Variants in WNK2 observed in about 807,000 individuals in gnomAD.
WNK2 encodes serine/threonine-protein kinase WNK2.
In WNK2, 67 loss-of-function variants were observed where a neutral mutation model predicts 192.1. That is an observed-to-expected ratio of 0.35 (90% CI 0.29 to 0.43). The LOEUF is 0.43. Among genes scored for constraint, WNK2 ranks in the 20% least tolerant of loss-of-function variants. The probability of loss-of-function intolerance (pLI) is 1.00; values close to 1 mark genes in which losing one functional copy is unlikely to be tolerated. For missense variants in WNK2, 2,698 were observed against 3,089.7 expected (o/e 0.87, Z 3.01); for synonymous variants, 1,439 against 1,393.9 (o/e 1.03, Z -0.72).
intron 27 of WNK2, 136 bp downstream of exon 27, chr9:93,306,957 C>CT (rs1852684881): frequency 9.5e-7 from 1 of 1,055,118 alleles, no homozygotes; most frequent in African/African-American, 1.6e-5. Context: ...CCATGCCTCT[C>CT]GGCCGGGCAC....
chr9:93,200,540 T>G (rs567854286), intron 2 of WNK2, among the ~76,000 whole-genome samples: 3 of 152,240 alleles, frequency 2.0e-5, no homozygotes, highest in Non-Finnish European at 4.4e-5. Flanking sequence ...ATTGCCCAGT[T>G]CCTCAGCCTG....
rs376945747 is a variant in WNK2 at position 93,203,567 on chromosome 9, C to G, written c.681+17957C>G. Among the ~76,000 whole-genome samples the G allele has an allele frequency of 1.4e-4, 22 of 152,276 alleles. No individual in the cohort carries two copies. In the East Asian group the frequency reaches 3.9e-3, roughly 27 times the overall value. ...CGTTGAAGGCCTAGTCCCCTGCAGT[C>G]TGTGGACGTGCCACTGCACTCGGCA... On this transcript the variant is annotated intron_variant, in intron 2 of 29. Transcript: ENST00000427277.
At chr9:93,269,091 C>T in intron 19 of WNK2, 1 of 763,302 alleles carries the variant, frequency 1.3e-6, no homozygotes, top group Non-Finnish European at 2.2e-6. Flanking sequence ...TGCCGCACAC[C>T]TGCAGCAGAC....
At chr9:93,208,529 C>CTG (rs576189045) in intron 2 of WNK2, among the ~76,000 whole-genome samples, 4 of 151,116 alleles carry the variant, frequency 2.6e-5, no homozygotes, top group Non-Finnish European at 5.9e-5. Flanking sequence ...TATGTGTATT[C>CTG]TGTGTGTGTG....
chr9:93,184,934 A>T lies in WNK2; in HGVS notation c.5A>T (p.Asp2Val). M[D>V]GDGGRRDVPG... ...GTGTGTCCTTGGCCCACAGAGATGG[A>T]CGGCGATGGCGGCCGCCGAGACGTC... Residue 2 changes from aspartate (D) to valine (V), a missense_variant, in exon 2 of 30, where the codon GAC becomes GTC. Physicochemically the swap from Asp to Val is radical, Grantham distance 152. Coordinates refer to ENST00000427277, the MANE Select transcript of WNK2 (RefSeq NM_006648.4). 8.6e-7 allele frequency: 1 copy of T among 1,163,112 alleles called. No individual in the cohort carries two copies. The highest frequency in any genetic ancestry group is 1.1e-6 in the Non-Finnish European group (1 of 946,528). 72.0% of individuals were successfully genotyped at this position (1,163,112 alleles called of 1,614,324 possible). A position where few individuals can be genotyped will look rare whatever the true frequency, so the allele number is the denominator to read the frequency against.
Position 93,247,695 on chromosome 9 carries a change from G to A in WNK2, c.1695G>A (p.Arg565=), listed in dbSNP as rs1198863893. 3.8e-6 allele frequency: 6 copies of A among 1,567,000 alleles called. No individual in the cohort carries two copies. Among genetic ancestry groups the A allele is most frequent in the South Asian group, 1.2e-5 (1 of 85,262 alleles). ...QQDVGSPDKA[R]GPPVPLQVQV... is the part of the protein sequence containing the mutation. The stretch of plus-strand genomic sequence containing the variant: ...ATGTGGGCAGCCCGGACAAGGCCAG[G>A]GGTCCGCCGGTGCCCCTGCAGGTCC... The change falls in exon 8 of 30, where the codon AGG becomes AGA. Residue 565 remains arginine (R), a synonymous_variant. Transcript: ENST00000427277. This position sits in a 1 kb window ranked among gnomAD's most constrained non-coding sequence, Gnocchi z 5.2.
Position 93,262,684 on chromosome 9 carries a change from G to A in WNK2, c.3375G>A (p.Gln1125=), listed in dbSNP as rs1564119004. 1.9e-6 allele frequency: 3 copies of A among 1,612,528 alleles called. No homozygotes were observed. Among genetic ancestry groups the A allele is most frequent in the Non-Finnish European group, 2.5e-6 (3 of 1,179,904 alleles). ...GTTTATTTCAGGAGCAGGCCTCACA[G>A]GACAAGCCGCCCGGCCTCCCGCAGA... ...VEPVQEEQAS[Q]DKPPGLPQSC... is the part of the protein sequence containing the mutation. Residue 1125 remains glutamine, a synonymous_variant, in exon 14 of 30, where the codon CAG becomes CAA. Transcript: ENST00000427277.
chr9:93,317,731 G>T, intron 29 of WNK2, 100 bp downstream of exon 29: 1 of 1,489,578 alleles, frequency 6.7e-7, no homozygotes. Flanking sequence ...CCCTGGGCAG[G>T]CCAGGTGGGC....
At position 93,288,408 on chromosome 9, in the gene WNK2, G is replaced by T. The variant is rs539604897; in HGVS notation, c.4034-380G>T. ...GTCCAGTGCAAGATAGACAAGAGCCGTATCTTTCTGGAGCTGTCTGTGCGG... is the reference window on the plus strand; with the variant it reads ...GTCCAGTGCAAGATAGACAAGAGCCTTATCTTTCTGGAGCTGTCTGTGCGG... On this transcript the variant is annotated intron_variant, in intron 19 of 29. Transcript: ENST00000427277. Among the ~76,000 whole-genome samples the T allele has an allele frequency of 1.9e-4, 29 of 152,330 alleles. No homozygotes were observed. In the South Asian group the frequency reaches 5.8e-3, roughly 30 times the overall value.
intron 2 of WNK2, among the ~76,000 whole-genome samples, chr9:93,204,763 A>G (rs527459913): frequency 6.6e-6 from 1 of 152,140 alleles, no homozygotes; most frequent in Non-Finnish European, 1.5e-5. Flanking sequence ...GGGCTCAGGG[A>G]GGCTCAGAAA....
chr9:93,289,661 G>C, intron 20 of WNK2, 41 bp downstream of exon 20: 1 of 1,427,136 alleles, frequency 7.0e-7, no homozygotes, highest in Non-Finnish European at 9.1e-7. Flanking sequence ...CCCTGGGTCA[G>C]GGGCCGGAGC....
chr9:93,290,087 G>T (rs768881206), intron 21 of WNK2, 40 bp downstream of exon 21: 1 of 1,539,858 alleles, frequency 6.5e-7, no homozygotes, highest in Non-Finnish European at 8.8e-7. Flanking sequence ...ACAAGGTGCT[G>T]CCTGGCTTCC....
At chr9:93,295,214 C>T (rs1334933568) in intron 23 of WNK2, among the ~76,000 whole-genome samples, 1 of 152,136 alleles carries the variant, frequency 6.6e-6, no homozygotes, top group African/African-American at 2.4e-5. Context: ...GGGAGCTGGA[C>T]CATGTGGGTG....
In WNK2 at chr9:93,246,989, T is replaced by C. The variant is rs141002656; in HGVS notation, c.1543-554T>C. On this transcript the variant is annotated intron_variant, in intron 7 of 29. Coordinates refer to ENST00000427277, the MANE Select transcript of WNK2 (RefSeq NM_006648.4). ...GTTTCCTGGAGACCTTCGGGCTCTC[T>C]TACAAATGCTCTCAAGGCTGTGCTT... 2.5e-3 allele frequency among the ~76,000 whole-genome samples: 383 copies of C among 152,350 alleles called. 2 individuals carry two copies. Among genetic ancestry groups the C allele is most frequent in the African/African-American group, 8.7e-3 (361 of 41,580 alleles).
At chr9:93,256,655 T>G (rs1349247314) in intron 10 of WNK2, 1 of 685,388 alleles carries the variant, frequency 1.5e-6, no homozygotes, top group East Asian at 2.9e-5. Context: ...GTGTGTGTGT[T>G]TGTGTGCGTG....
In WNK2 at chr9:93,257,380, G is replaced by A. The variant is rs1259992488; in HGVS notation, c.2382+241G>A. Among the ~76,000 whole-genome samples, 1 of 152,016 alleles carries A rather than the reference G, an allele frequency of 6.6e-6. No individual in the cohort carries two copies. Among genetic ancestry groups the A allele is most frequent in the African/African-American group, 2.4e-5 (1 of 41,404 alleles). The stretch of plus-strand genomic sequence containing the variant: ...CACTTGTCCCTTGGTGGCTGGCTTG[G>A]CTGCTGTCTCCTGCCCTCCAGCCTC... On this transcript the variant is annotated intron_variant, in intron 11 of 29. Coordinates refer to ENST00000427277, the MANE Select transcript of WNK2 (RefSeq NM_006648.4). This position sits in a 1 kb window ranked among gnomAD's most constrained non-coding sequence, Gnocchi z 4.7.
intron 23 of WNK2, among the ~76,000 whole-genome samples, chr9:93,296,677 A>C (rs1487885882): frequency 1.9e-3 from 19 of 10,132 alleles, no homozygotes; most frequent in Non-Finnish European, 2.2e-3. Flanking sequence ...TCCTCCCCTC[A>C]TCCTCCTCCC....
At chr9:93,230,862 T>TA in intron 3 of WNK2, 26 bp from the exon 4 acceptor site, 3 of 1,603,776 alleles carry the variant, frequency 1.9e-6, no homozygotes, top group Admixed American at 1.7e-5. Context: ...AGCTGCTTGG[T>TA]GAGCTGTGCC....
intron 2 of WNK2, among the ~76,000 whole-genome samples, chr9:93,210,127 G>C (rs116180315): frequency 6.6e-6 from 1 of 152,188 alleles, no homozygotes; most frequent in Non-Finnish European, 1.5e-5. Flanking sequence ...TGGTGTGGCT[G>C]ATCTGCCGAC....
Sources: allele counts gnomAD v4.1 joint callset (sites outside exome capture counted in the v4.1 genomes callset), GRCh38; gene constraint gnomAD v4.1.1; non-coding constraint Gnocchi (gnomAD v3.1); transcripts MANE v1.5; gene names NCBI Gene and HGNC (gene_info 2026-07-23, HGNC 2026-07-21).